The following NEDD4 variants were observed in gnomAD, a reference collection of about 807,000 sequenced individuals.
The protein encoded by NEDD4 is NEDD4 E3 ubiquitin protein ligase, also known as E3 ubiquitin-protein ligase NEDD4.
Under a neutral mutation model 144.9 loss-of-function variants are expected in NEDD4, and 99 were observed. The observed-to-expected ratio is 0.68, with a 90% CI of 0.58 to 0.81. The LOEUF is 0.81. Among genes scored for constraint, NEDD4 ranks in the 30% least tolerant of loss-of-function variants. NEDD4 has a pLI of 0.00. For synonymous variants in NEDD4, 318 were observed against 350.6 expected, an observed-to-expected ratio of 0.91 and a Z score of 1.04; for missense variants, 985 against 1,065.9, an observed-to-expected ratio of 0.92 and a Z score of 1.06.
intron 5 of NEDD4, among the ~76,000 whole-genome samples, chr15:55,909,134 C>T (rs372477892): frequency 6.6e-6 from 1 of 152,314 alleles, no homozygotes; most frequent in East Asian, 1.9e-4. Flanking sequence ...TCTTCACCAA[C>T]AGACATCCTC....
chr15:55,951,377 C>T lies in NEDD4; in HGVS notation c.236G>A (p.Arg79Lys), dbSNP rs746832193. Residue 79 changes from arginine (R) to lysine (K), a missense_variant and splice_region_variant, in exon 4 of 29, where the codon AGA (arginine) becomes AAA (lysine). Transcript: ENST00000435532. ...NPKWNEEILFRVHPQQHRLLF... is the reference protein window; with the variant it reads ...NPKWNEEILFKVHPQQHRLLF... ...TAGTAAAATAAAATATATACTTACT[C>T]TGAATAATATTTCTTCATTCCACTT... The T allele has an allele frequency of 7.5e-6, 7 of 939,218 alleles. No homozygotes were observed. The South Asian group carries it at 1.0e-4, about 14-fold the overall frequency. The allele number at this position is 939,218 out of a possible 1,614,324, so 58.2% of individuals were successfully genotyped here.
At chr15:55,830,394 C>A in intron 28 of NEDD4, 120 bp downstream of exon 28, 1 of 902,772 alleles carries the variant, frequency 1.1e-6, no homozygotes, top group Non-Finnish European at 1.8e-6. Flanking sequence ...CTCCTTCTTA[C>A]CCATAATCCA....
chr15:55,975,063 T>C (rs2037677894), intron 1 of NEDD4, among the ~76,000 whole-genome samples: 1 of 151,764 alleles, frequency 6.6e-6, no homozygotes, highest in Non-Finnish European at 1.5e-5. Flanking sequence ...CGGGTAATTT[T>C]TGTATTTTTA....
intron 4 of NEDD4, chr15:55,934,637 G>C (rs2036849232): frequency 6.6e-6 from 1 of 151,576 alleles, no homozygotes; most frequent in Non-Finnish European, 1.5e-5. Flanking sequence ...CGGCCACGGA[G>C]AAAAAACCCA....
intron 5 of NEDD4, among the ~76,000 whole-genome samples, chr15:55,894,236 A>G (rs2035666731): frequency 6.6e-6 from 1 of 152,220 alleles, no homozygotes; most frequent in African/African-American, 2.4e-5. Flanking sequence ...ATATTTGAAA[A>G]GAAAAAATAA....
intron 5 of NEDD4, among the ~76,000 whole-genome samples, chr15:55,922,205 T>C (rs532122254): frequency 1.3e-5 from 2 of 152,342 alleles, no homozygotes; most frequent in South Asian, 2.1e-4. Context: ...ACATAAATTA[T>C]AGCATTATGA....
At chr15:55,988,768 A>T (rs1173287349) in intron 1 of NEDD4, among the ~76,000 whole-genome samples, 1 of 152,112 alleles carries the variant, frequency 6.6e-6, no homozygotes, top group Non-Finnish European at 1.5e-5. Flanking sequence ...TTTAAAGATG[A>T]TGGGGCATTG....
intron 5 of NEDD4, among the ~76,000 whole-genome samples, chr15:55,884,385 A>G (rs1205643433): frequency 6.6e-6 from 1 of 152,166 alleles, no homozygotes; most frequent in African/African-American, 2.4e-5. Flanking sequence ...CAATGTCCAG[A>G]CATTGGCAAA....
chr15:55,835,534 C>T (rs1446252485), intron 24 of NEDD4, among the ~76,000 whole-genome samples: 2 of 151,792 alleles, frequency 1.3e-5, no homozygotes, highest in Non-Finnish European at 2.9e-5. Context: ...TGAGGCCATC[C>T]GCTTTCACAG....
At chr15:55,838,765 T>G (rs1402349035) in intron 21 of NEDD4, among the ~76,000 whole-genome samples, 161 bp from the exon 22 acceptor site, 3 of 152,178 alleles carry the variant, frequency 2.0e-5, no homozygotes, top group African/African-American at 7.2e-5. Flanking sequence ...TGTGTGTATG[T>G]GTGTGTATTA....
intron 5 of NEDD4, 70 bp from the exon 6 acceptor site, chr15:55,874,078 G>C: frequency 1.2e-6 from 1 of 822,992 alleles, no homozygotes; most frequent in Non-Finnish European, 1.9e-6. Context: ...TGATGAGATA[G>C]TGCCACCATT....
At chr15:55,893,677 A>C (rs2035643814) in intron 5 of NEDD4, among the ~76,000 whole-genome samples, 1 of 151,322 alleles carries the variant, frequency 6.6e-6, no homozygotes, top group Non-Finnish European at 1.5e-5. Flanking sequence ...ACTTATATGA[A>C]TAGACCTTTT....
Position 55,834,224 on chromosome 15 carries a change from T to C in NEDD4, c.2322+3A>G. 3 of 1,609,040 alleles carry C rather than the reference T, an allele frequency of 1.9e-6. No homozygotes were observed. The highest frequency in any genetic ancestry group is 2.6e-6 in the Non-Finnish European group (3 of 1,175,558). On this transcript the variant is annotated splice_donor_region_variant and intron_variant, in intron 25 of 28. Transcript: ENST00000435532. Reference sequence around the variant, plus strand: ...TGTTTCAACATAAAATGTTATGTCTTACCTCTAGTTCATTTTCATCAAAAA... The same window carrying C: ...TGTTTCAACATAAAATGTTATGTCTCACCTCTAGTTCATTTTCATCAAAAA...
At chr15:55,911,292 C>A (rs1352796568) in intron 5 of NEDD4, among the ~76,000 whole-genome samples, 1 of 152,040 alleles carries the variant, frequency 6.6e-6, no homozygotes, top group Non-Finnish European at 1.5e-5. Context: ...AGGATAGCCC[C>A]CACTACAAAA....
At position 55,834,084 on chromosome 15, in the gene NEDD4, T is replaced by G; in HGVS notation, c.2384A>C (p.Lys795Thr). The change falls in exon 26 of 29, where the codon AAA becomes ACA. Residue 795 changes from lysine (K) to threonine (T), a missense_variant. Physicochemically the swap from Lys to Thr is moderately conservative, Grantham distance 78 (BLOSUM62 -1). Transcript: ENST00000435532. ...CTGATGATTTGCACTGTAGCCATTT[T>G]TATACTTTGTATGTTCCCTCCAGTC... ...VNDWREHTKYKNGYSANHQVI... is the reference protein window; with the variant it reads ...VNDWREHTKYTNGYSANHQVI... The G allele has an allele frequency of 6.2e-7, 1 of 1,613,734 alleles. No individual in the cohort carries two copies. The highest frequency in any genetic ancestry group is 8.5e-7 in the Non-Finnish European group (1 of 1,179,992).
intron 4 of NEDD4, among the ~76,000 whole-genome samples, chr15:55,945,723 T>C (rs1029956111): frequency 6.7e-5 from 10 of 149,624 alleles, no homozygotes; most frequent in African/African-American, 9.8e-5. Flanking sequence ...TTCACCAACG[T>C]TGAAATGAAG....
intron 2 of NEDD4, among the ~76,000 whole-genome samples, chr15:55,953,273 G>A (rs2037277949): frequency 6.6e-6 from 1 of 151,916 alleles, no homozygotes; most frequent in Non-Finnish European, 1.5e-5. Flanking sequence ...ACCCACGTGA[G>A]CCATAGCGCT....
At chr15:55,934,154 A>G (rs2036837474) in intron 4 of NEDD4, among the ~76,000 whole-genome samples, 1 of 152,202 alleles carries the variant, frequency 6.6e-6, no homozygotes, top group Admixed American at 6.5e-5. Flanking sequence ...ACTCTGTCTC[A>G]AAATAATAAT....
At chr15:55,961,907 G>T (rs1286970647) in intron 2 of NEDD4, among the ~76,000 whole-genome samples, 1 of 152,162 alleles carries the variant, frequency 6.6e-6, no homozygotes. Flanking sequence ...TTAGGTCAAA[G>T]TTATTCATAA....
Sources: allele counts gnomAD v4.1 joint callset (sites outside exome capture counted in the v4.1 genomes callset), GRCh38; gene constraint gnomAD v4.1.1; transcripts MANE v1.5; gene names NCBI Gene and HGNC (gene_info 2026-07-23, HGNC 2026-07-21).